Variants in DLG2 observed in about 807,000 individuals in gnomAD.
DLG2 encodes the protein discs large MAGUK scaffold protein 2, also known as disks large homolog 2.
A neutral mutation model predicts 132.5 loss-of-function variants in DLG2; 45 were observed. That is an observed-to-expected ratio of 0.34 (90% CI 0.27 to 0.44). The LOEUF (loss-of-function observed/expected upper bound fraction) is 0.44, where lower values mean the gene tolerates loss of function less well. Among genes scored for constraint, DLG2 ranks in the 20% least tolerant of loss-of-function variants. The pLI, the probability that DLG2 is intolerant of heterozygous loss-of-function variation, is 1.00. For synonymous variants in DLG2, 424 were observed against 419.6 expected, an observed-to-expected ratio of 1.01 and a Z score of -0.13; for missense variants, 1,045 against 1,196.9, an observed-to-expected ratio of 0.87 and a Z score of 1.87.
chr11:85,599,229 T>C (rs2079984685), intron 2 of DLG2, among the ~76,000 whole-genome samples: 2 of 152,084 alleles, frequency 1.3e-5, no homozygotes, highest in Admixed American at 1.3e-4. Flanking sequence ...AGTGCCTAAG[T>C]CATACTGGAT....
chr11:83,516,137 C>T (rs933627167), intron 21 of DLG2, among the ~76,000 whole-genome samples: 3 of 152,130 alleles, frequency 2.0e-5, no homozygotes, highest in African/African-American at 7.2e-5. Context: ...TTAAAGTCTT[C>T]CATTATTATT....
chr11:85,474,018 A>C (rs143452167), intron 3 of DLG2, among the ~76,000 whole-genome samples: 1 of 152,082 alleles, frequency 6.6e-6, no homozygotes, highest in South Asian at 2.1e-4. Flanking sequence ...ACTACTTAAA[A>C]TATAGATAGT....
chr11:83,543,261 G>C (rs1053733055), intron 19 of DLG2, among the ~76,000 whole-genome samples: 3 of 152,094 alleles, frequency 2.0e-5, no homozygotes, highest in African/African-American at 2.4e-5. Flanking sequence ...TCAGGAACAG[G>C]GAGCTGGGGA....
intron 2 of DLG2, among the ~76,000 whole-genome samples, chr11:85,622,146 T>A (rs1408282399): frequency 1.3e-5 from 2 of 152,234 alleles, no homozygotes; most frequent in African/African-American, 4.8e-5. Context: ...ATTTTTTAGT[T>A]GTAAAGCATT....
At chr11:85,181,044 T>C (rs772820069) in intron 4 of DLG2, among the ~76,000 whole-genome samples, 1 of 148,282 alleles carries the variant, frequency 6.7e-6, no homozygotes, top group Non-Finnish European at 1.5e-5. Context: ...AATTGTTTAT[T>C]ATTTAATATT....
rs117705430 is a variant in DLG2 at position 85,367,432 on chromosome 11, C to T, written c.41-82067G>A. 3.5e-4 allele frequency among the ~76,000 whole-genome samples: 53 copies of T among 152,248 alleles called. No homozygotes were observed. The East Asian group carries it at 9.1e-3, about 26-fold the overall frequency. On this transcript the variant is annotated intron_variant, in intron 3 of 27. Coordinates refer to ENST00000376104, the MANE Select transcript of DLG2 (RefSeq NM_001142699.3). ...TGGTTTTAGTGAGGATGAGTTAATT[C>T]ATTTAAAGTGTTTAATGTAGTATCC...
At chr11:84,024,612 G>A (rs1487549154) in intron 11 of DLG2, among the ~76,000 whole-genome samples, 1 of 152,112 alleles carries the variant, frequency 6.6e-6, no homozygotes, top group Non-Finnish European at 1.5e-5. Context: ...TGACAACATA[G>A]ATGGAATTGG....
chr11:83,633,743 AACACACACACACACAC>A (rs35932645), intron 18 of DLG2, among the ~76,000 whole-genome samples: 7 of 143,202 alleles, frequency 4.9e-5, no homozygotes, highest in African/African-American at 1.5e-4. Context: ...CACAGAACTA[AACACACACACACACAC>A]ACACACACAC....
intron 19 of DLG2, among the ~76,000 whole-genome samples, chr11:83,584,876 G>T (rs58543836): frequency 0.22 from 33,335 of 152,052 alleles, 3,791 homozygotes; most frequent in Non-Finnish European, 0.23. Context: ...AACTGTAGGT[G>T]CTGGGCACAG....
At chr11:84,227,565 T>C (rs1347653263) in intron 8 of DLG2, among the ~76,000 whole-genome samples, 1 of 152,212 alleles carries the variant, frequency 6.6e-6, no homozygotes, top group Non-Finnish European at 1.5e-5. Context: ...GGGCAGAAAC[T>C]ACCTCACTTA....
At chr11:84,287,048 T>C (rs1456623952) in intron 7 of DLG2, among the ~76,000 whole-genome samples, 1 of 152,192 alleles carries the variant, frequency 6.6e-6, no homozygotes, top group African/African-American at 2.4e-5. Context: ...GTTTATGTCA[T>C]ATAATTGTTG....
chr11:83,780,714 C>T (rs4143315), intron 18 of DLG2, among the ~76,000 whole-genome samples: 34 of 151,958 alleles, frequency 2.2e-4, no homozygotes, highest in African/African-American at 6.3e-4. Context: ...TTTAGATGGG[C>T]GGGGTAGACA....
intron 7 of DLG2, among the ~76,000 whole-genome samples, chr11:84,339,967 C>T (rs2098506695): frequency 6.6e-6 from 1 of 152,124 alleles, no homozygotes; most frequent in African/African-American, 2.4e-5. Flanking sequence ...ACACTGGTTA[C>T]TTAGAGATTA....
intron 18 of DLG2, among the ~76,000 whole-genome samples, chr11:83,695,616 G>A (rs955271747): frequency 6.6e-6 from 1 of 152,188 alleles, no homozygotes. Flanking sequence ...GTGGGTGCCT[G>A]TAATCCCAGC....
chr11:85,035,480 G>A (rs1006936844), intron 6 of DLG2, among the ~76,000 whole-genome samples: 13 of 152,092 alleles, frequency 8.5e-5, no homozygotes, highest in African/African-American at 1.9e-4. Flanking sequence ...GGCGGCAGGC[G>A]AGAGGTGAGA....
intron 6 of DLG2, among the ~76,000 whole-genome samples, chr11:84,869,223 G>C (rs1162668234): frequency 6.6e-6 from 1 of 152,136 alleles, no homozygotes. Flanking sequence ...GGCTTTATAG[G>C]CTGGAAATAG....
At chr11:84,348,543 G>A (rs1397464188) in intron 7 of DLG2, among the ~76,000 whole-genome samples, 3 of 152,162 alleles carry the variant, frequency 2.0e-5, no homozygotes, top group Non-Finnish European at 2.9e-5. Context: ...ATATGCTAAT[G>A]CATGTAGGTA....
intron 6 of DLG2, among the ~76,000 whole-genome samples, chr11:84,996,210 T>C (rs1261072469): frequency 2.0e-5 from 3 of 152,160 alleles, no homozygotes; most frequent in Non-Finnish European, 4.4e-5. Flanking sequence ...TATTTATTTA[T>C]CTTGGAATTT....
rs1268580331 is a variant in DLG2, at chr11:84,893,154, C to T, written c.357+218507G>A. Among the ~76,000 whole-genome samples, 8 of 152,242 alleles carry T rather than the reference C, an allele frequency of 5.3e-5. No homozygotes were observed. In the East Asian group the frequency reaches 1.4e-3, roughly 26 times the overall value. ...AGCATCCGTTTCCTCTGTTCACATA[C>T]TTTAGAAGGTCTCACTCCGATCTTT... On this transcript the variant is annotated intron_variant, in intron 6 of 27. Transcript: ENST00000376104.
Sources: allele counts gnomAD v4.1 joint callset (sites outside exome capture counted in the v4.1 genomes callset), GRCh38; gene constraint gnomAD v4.1.1; transcripts MANE v1.5; gene names NCBI Gene and HGNC (gene_info 2026-07-23, HGNC 2026-07-21).